The following TCF7L2 variants were observed in gnomAD, a reference collection of about 807,000 sequenced individuals.
TCF7L2 encodes the protein transcription factor 7-like 2.
In TCF7L2, 23 loss-of-function variants were observed where a neutral mutation model predicts 77.9. The ratio of observed to expected loss-of-function variants is 0.30; its 90% CI spans 0.21 to 0.42. The LOEUF (loss-of-function observed/expected upper bound fraction) is 0.42, where lower values mean the gene tolerates loss of function less well. Among genes scored for constraint, TCF7L2 ranks in the 10% least tolerant of loss-of-function variants. The probability of loss-of-function intolerance (pLI) is 1.00; values close to 1 mark genes in which losing one functional copy is unlikely to be tolerated. For missense variants in TCF7L2, 654 were observed against 793.1 expected (o/e 0.82, Z 2.11); for synonymous variants, 413 against 340.2 (o/e 1.21, Z -2.36).
chr10:113,141,136 C>A (rs2136833142), intron 5 of TCF7L2, 48 bp from the exon 6 acceptor site: 1 of 1,605,660 alleles, frequency 6.2e-7, no homozygotes, highest in Non-Finnish European at 8.5e-7. Flanking sequence ...AAGCCCTGGG[C>A]TGCTGGAACC....
At chr10:112,995,074 C>T (rs780567870) in intron 4 of TCF7L2, among the ~76,000 whole-genome samples, 3 of 152,196 alleles carry the variant, frequency 2.0e-5, no homozygotes, top group Non-Finnish European at 2.9e-5. Context: ...GCACTCCAGC[C>T]TGGGCAACAA....
At chr10:113,027,399 T>C (rs187190322) in intron 4 of TCF7L2, among the ~76,000 whole-genome samples, 19 of 152,304 alleles carry the variant, frequency 1.2e-4, no homozygotes, top group Admixed American at 1.2e-3. Context: ...CTGTCAACGA[T>C]TCTCTCTCTC....
intron 4 of TCF7L2, among the ~76,000 whole-genome samples, chr10:112,997,430 T>G (rs2043673167): frequency 6.6e-6 from 1 of 152,238 alleles, no homozygotes; most frequent in Admixed American, 6.5e-5. Context: ...AACACCAGGC[T>G]GAATGGGAGA....
chr10:112,996,983 T>C (rs2043600730), intron 4 of TCF7L2, among the ~76,000 whole-genome samples: 1 of 152,150 alleles, frequency 6.6e-6, no homozygotes, highest in Non-Finnish European at 1.5e-5. Flanking sequence ...GATGTTGGTG[T>C]GGTGAGGAGC....
At chr10:112,974,984 C>T (rs199955916) in intron 4 of TCF7L2, among the ~76,000 whole-genome samples, 6 of 147,214 alleles carry the variant, frequency 4.1e-5, no homozygotes, top group Non-Finnish European at 3.0e-5. Context: ...TTTTCTTTTT[C>T]TTTTTTTTTT....
chr10:113,159,638 C>A (rs2072710465), intron 12 of TCF7L2, among the ~76,000 whole-genome samples: 1 of 151,732 alleles, frequency 6.6e-6, no homozygotes, highest in East Asian at 1.9e-4. Flanking sequence ...GAGAGACAGT[C>A]CTTAAAGAAG....
chr10:113,156,533 C>T (rs1208814209), intron 11 of TCF7L2, among the ~76,000 whole-genome samples: 1 of 152,108 alleles, frequency 6.6e-6, no homozygotes, highest in Non-Finnish European at 1.5e-5. Context: ...AGTGTAAGAC[C>T]ATTTCATTTC....
At chr10:113,115,212 C>A (rs530213298) in intron 5 of TCF7L2, among the ~76,000 whole-genome samples, 77 of 152,280 alleles carry the variant, frequency 5.1e-4, no homozygotes, top group African/African-American at 1.8e-3. Context: ...TTTTAATATT[C>A]ATTTAAATAG....
intron 5 of TCF7L2, among the ~76,000 whole-genome samples, chr10:113,135,838 T>A (rs2067309044): frequency 1.3e-5 from 2 of 152,136 alleles, no homozygotes; most frequent in Admixed American, 1.3e-4. Context: ...TTAGGGGCAA[T>A]ATTTGCTGAA....
At chr10:113,150,711 A>G (rs2070573402) in intron 8 of TCF7L2, among the ~76,000 whole-genome samples, 1 of 152,220 alleles carries the variant, frequency 6.6e-6, no homozygotes, top group Non-Finnish European at 1.5e-5. Context: ...CAGGTAGTCC[A>G]AGCCCACTTT....
At chr10:113,121,062 C>A (rs148796400) in intron 5 of TCF7L2, among the ~76,000 whole-genome samples, 44 of 152,236 alleles carry the variant, frequency 2.9e-4, no homozygotes, top group African/African-American at 1.0e-3. Flanking sequence ...TATCCCTTCG[C>A]AAAATGGGGG....
chr10:113,127,297 C>T (rs1158396549), intron 5 of TCF7L2, among the ~76,000 whole-genome samples: 2 of 150,572 alleles, frequency 1.3e-5, no homozygotes, highest in East Asian at 3.9e-4. Flanking sequence ...CCACCCTCCT[C>T]GCTCCCCTCC....
chr10:113,067,297 C>G (rs144481925), intron 5 of TCF7L2, among the ~76,000 whole-genome samples: 1 of 152,300 alleles, frequency 6.6e-6, no homozygotes, highest in East Asian at 1.9e-4. Context: ...AAGAAATGAA[C>G]AGCAGACAAC....
chr10:113,067,965 CT>C (rs2057465018), intron 5 of TCF7L2, among the ~76,000 whole-genome samples: 1 of 152,124 alleles, frequency 6.6e-6, no homozygotes, highest in Non-Finnish European at 1.5e-5. Context: ...AAATTGCTCT[CT>C]TTTGAATCTC....
intron 13 of TCF7L2, chr10:113,161,423 T>C: frequency 2.7e-6 from 2 of 737,510 alleles, no homozygotes; most frequent in Admixed American, 4.4e-5. Flanking sequence ...TAAGCACCCA[T>C]GTTCCACCTG....
chr10:113,126,686 G>A, intron 5 of TCF7L2: 3 of 985,610 alleles, frequency 3.0e-6, no homozygotes, highest in Non-Finnish European at 2.4e-6. Flanking sequence ...CTGTGCGTGA[G>A]CATCTTGTCT....
At chr10:113,072,031 T>A (rs2058085498) in intron 5 of TCF7L2, among the ~76,000 whole-genome samples, 1 of 151,336 alleles carries the variant, frequency 6.6e-6, no homozygotes, top group South Asian at 2.1e-4. Flanking sequence ...TTTTTAAAAA[T>A]TTTTAATTTT....
chr10:113,071,482 AG>A (rs1333341189), intron 5 of TCF7L2, among the ~76,000 whole-genome samples: 1 of 152,172 alleles, frequency 6.6e-6, no homozygotes, highest in African/African-American at 2.4e-5. Context: ...AAGGAACTCC[AG>A]GGGAATTTCA....
chr10:113,086,368 A>G (rs1450566705), intron 5 of TCF7L2, among the ~76,000 whole-genome samples: 1 of 152,146 alleles, frequency 6.6e-6, no homozygotes, highest in Non-Finnish European at 1.5e-5. Context: ...CCAGGGGCCC[A>G]TGTATTAGAA....
Sources: gnomAD v4.1 joint callset for allele counts (sites outside exome capture counted in the v4.1 genomes callset) on GRCh38, gnomAD v4.1.1 for gene constraint, MANE v1.5 for transcripts, NCBI Gene and HGNC (gene_info 2026-07-23, HGNC 2026-07-21) for gene names.